TULP3: variants seen among roughly 807,000 people sequenced by gnomAD.
TULP3 encodes the protein tubby-related protein 3.
In TULP3, 38 loss-of-function variants were observed where a neutral mutation model predicts 50.7. The ratio of observed to expected loss-of-function variants is 0.75; its 90% CI spans 0.58 to 0.98. TULP3 has a LOEUF of 0.98. Ranked by LOEUF, TULP3 falls within the 50% of genes least tolerant of loss-of-function variation. TULP3 has a pLI of 0.00. For missense variants in TULP3, 550 were observed against 568.0 expected, an observed-to-expected ratio of 0.97 and a Z score of 0.32; for synonymous variants, 183 against 196.6, an observed-to-expected ratio of 0.93 and a Z score of 0.58.
intron 1 of TULP3, among the ~76,000 whole-genome samples, chr12:2,894,964 A>G (rs10774074): frequency 0.48 from 72,581 of 152,116 alleles, 17,783 homozygotes; most frequent in African/African-American, 0.59. Flanking sequence ...GAGAGAAAAT[A>G]TAACCCCTGA....
chr12:2,894,183 C>A (rs1029167178), intron 1 of TULP3, among the ~76,000 whole-genome samples: 2 of 150,754 alleles, frequency 1.3e-5, no homozygotes, highest in African/African-American at 4.9e-5. Flanking sequence ...AAATCCCAGT[C>A]GGTGGTTTGT....
At chr12:2,935,156 T>C (rs1017475265) in intron 8 of TULP3, among the ~76,000 whole-genome samples, 3 of 152,200 alleles carry the variant, frequency 2.0e-5, no homozygotes, top group South Asian at 2.1e-4. Context: ...TCTAACATGG[T>C]AGCATTTGCT....
At chr12:2,900,942 G>C (rs563356383) in intron 1 of TULP3, among the ~76,000 whole-genome samples, 1 of 149,756 alleles carries the variant, frequency 6.7e-6, no homozygotes, top group Non-Finnish European at 1.5e-5. Flanking sequence ...TGAGCTCCTG[G>C]GCTCACGCGA....
intron 2 of TULP3, among the ~76,000 whole-genome samples, chr12:2,914,911 G>T (rs948542806): frequency 6.6e-6 from 1 of 152,062 alleles, no homozygotes; most frequent in Non-Finnish European, 1.5e-5. Flanking sequence ...GGGATTACAG[G>T]TGTGAGCCAC....
intron 6 of TULP3, among the ~76,000 whole-genome samples, chr12:2,933,109 A>T (rs1399286036): frequency 6.6e-6 from 1 of 151,846 alleles, no homozygotes; most frequent in Non-Finnish European, 1.5e-5. Flanking sequence ...CGCCCAGCTA[A>T]TTTTTTGTAT....
intron 2 of TULP3, among the ~76,000 whole-genome samples, chr12:2,918,200 G>A (rs2098189765): frequency 6.6e-6 from 1 of 151,820 alleles, no homozygotes; most frequent in Non-Finnish European, 1.5e-5. Context: ...GGCAACCTCT[G>A]CCTCCCAGGT....
intron 4 of TULP3, among the ~76,000 whole-genome samples, chr12:2,928,096 T>G (rs997590925): frequency 2.0e-5 from 3 of 152,228 alleles, no homozygotes; most frequent in Admixed American, 1.3e-4. Context: ...TCTCCTCCTC[T>G]AACTCAAATG....
intron 1 of TULP3, among the ~76,000 whole-genome samples, chr12:2,891,293 T>TC (rs1410225230): frequency 6.6e-6 from 1 of 152,072 alleles, no homozygotes; most frequent in Non-Finnish European, 1.5e-5. Context: ...GCCTCGGGTT[T>TC]CCCTCGGGGG....
intron 1 of TULP3, among the ~76,000 whole-genome samples, chr12:2,891,500 G>C (rs1400517334): frequency 6.6e-6 from 1 of 152,220 alleles, no homozygotes; most frequent in Non-Finnish European, 1.5e-5. Context: ...CTGCTTTCCA[G>C]TGTTTGTCCC....
chr12:2,900,091 C>T (rs562408619), intron 1 of TULP3, among the ~76,000 whole-genome samples: 1 of 151,708 alleles, frequency 6.6e-6, no homozygotes, highest in African/African-American at 2.4e-5. Context: ...CAGGCGTGGT[C>T]GCACTCCTGT....
intron 1 of TULP3, among the ~76,000 whole-genome samples, chr12:2,904,333 G>C (rs1276040320): frequency 1.3e-5 from 2 of 152,046 alleles, no homozygotes; most frequent in African/African-American, 4.8e-5. Context: ...TATTTTATCT[G>C]TCTGTCTCAC....
intron 1 of TULP3, among the ~76,000 whole-genome samples, chr12:2,905,313 G>C (rs1471776301): frequency 6.6e-6 from 1 of 151,260 alleles, no homozygotes; most frequent in Non-Finnish European, 1.5e-5. Context: ...AGCCTCCCGA[G>C]TAGCTGGGAC....
chr12:2,924,776 C>T (rs1226058472), intron 4 of TULP3, among the ~76,000 whole-genome samples: 1 of 151,882 alleles, frequency 6.6e-6, no homozygotes. Flanking sequence ...ATTGCTTGAG[C>T]CCCAGAGTTC....
rs1259937009 is a variant in TULP3 at position 2,931,203 on chromosome 12, C to T, written c.659C>T (p.Thr220Ile). Residue 220 changes from threonine to isoleucine, a missense_variant, in exon 6 of 11, where the codon ACC (threonine) becomes ATC (isoleucine). Thr to Ile is a moderately conservative substitution (Grantham distance 89, BLOSUM62 -1). Coordinates refer to ENST00000448120, the MANE Select transcript of TULP3 (RefSeq NM_003324.5). ...KRGMDRGLFP[T>I]YYMYLEKEEN... ...GGAATGGATCGGGGTCTCTTCCCCA[C>T]CTACTATATGTACTTGGAAAAAGAA... The T allele has an allele frequency of 6.8e-6, 11 of 1,614,168 alleles. No individual in the cohort carries two copies. The highest frequency in any genetic ancestry group is 9.3e-6 in the Non-Finnish European group (11 of 1,180,030).
chr12:2,940,323 A>G lies in TULP3; in HGVS notation c.*879A>G. 9.8e-6 allele frequency: 1 copy of G among 102,176 alleles called. No homozygotes were observed. 6.3% of individuals were successfully genotyped at this position (102,176 alleles called of 1,614,324 possible). On this transcript the variant is annotated 3_prime_UTR_variant, in exon 11 of 11. Coordinates refer to ENST00000448120, the MANE Select transcript of TULP3 (RefSeq NM_003324.5). The stretch of plus-strand genomic sequence containing the variant: ...CAGTATTGACCATTTAGTTTAGTTA[A>G]AAAAAAAAAAAAAAAGGTGGCAGGA...
chr12:2,929,283 C>T (rs1474120795), intron 4 of TULP3, among the ~76,000 whole-genome samples: 1 of 152,034 alleles, frequency 6.6e-6, no homozygotes, highest in African/African-American at 2.4e-5. Context: ...CGCCACTGCG[C>T]TCCAGCCTGG....
intron 2 of TULP3, among the ~76,000 whole-genome samples, chr12:2,914,656 G>C (rs2098187574): frequency 6.6e-6 from 1 of 152,092 alleles, no homozygotes; most frequent in South Asian, 2.1e-4. Context: ...TTTTTGAGGA[G>C]AAGTCTTTCT....
Position 2,920,913 on chromosome 12 carries a change from A to G in TULP3, c.244A>G (p.Ile82Val), listed in dbSNP as rs2098191323. 4 of 1,613,570 alleles carry G rather than the reference A, an allele frequency of 2.5e-6. No individual in the cohort carries two copies. The highest frequency in any genetic ancestry group is 3.3e-5 in the Admixed American group (2 of 60,006). ...CTGTCATACTCCCCACAGCAATGTCATCTTACATGGTGTGTATTTAGGCAG... is the reference window on the plus strand; with the variant it reads ...CTGTCATACTCCCCACAGCAATGTCGTCTTACATGGTGTGTATTTAGGCAG... Reference protein sequence around the residue: ...VNCHTPHSNVILHGIDGPAAV... With the variant: ...VNCHTPHSNVVLHGIDGPAAV... The change falls in exon 3 of 11, where the codon ATC (isoleucine) becomes GTC (valine). Residue 82 changes from isoleucine (I) to valine (V), a missense_variant. Ile to Val is a conservative substitution (Grantham distance 29). Coordinates refer to ENST00000448120, the MANE Select transcript of TULP3 (RefSeq NM_003324.5).
Position 2,902,606 on chromosome 12 carries a change from G to A in TULP3, c.42-6923G>A, listed in dbSNP as rs933959689. Among the ~76,000 whole-genome samples, 7 of 152,210 alleles carry A rather than the reference G, an allele frequency of 4.6e-5. No individual in the cohort carries two copies. The East Asian group carries it at 1.3e-3, about 29-fold the overall frequency. The stretch of plus-strand genomic sequence containing the variant: ...ATTTACACTTAACAGGCTGAGAGAA[G>A]TTGACAGGAACATTGAGAGTCCCGA... On this transcript the variant is annotated intron_variant, in intron 1 of 10. Transcript: ENST00000448120.
Sources: allele counts gnomAD v4.1 joint callset (sites outside exome capture counted in the v4.1 genomes callset), GRCh38; gene constraint gnomAD v4.1.1; transcripts MANE v1.5; gene names NCBI Gene and HGNC (gene_info 2026-07-23, HGNC 2026-07-21).